The following RGS9 variants were observed in gnomAD, a reference collection of about 807,000 sequenced individuals.
RGS9 encodes regulator of G-protein signalling 9.
In RGS9, 78 loss-of-function variants were observed where a neutral mutation model predicts 102.0. That is an observed-to-expected ratio of 0.76 (90% CI 0.64 to 0.92). The LOEUF (loss-of-function observed/expected upper bound fraction) is 0.92, where lower values mean the gene tolerates loss of function less well. Ranked by LOEUF, RGS9 falls within the 40% of genes least tolerant of loss-of-function variation. The pLI is 0.00. For missense variants in RGS9, 833 were observed against 866.1 expected, an observed-to-expected ratio of 0.96 and a Z score of 0.48; for synonymous variants, 353 against 318.6, an observed-to-expected ratio of 1.11 and a Z score of -1.15.
chr17:65,187,445 G>T (rs950885882), intron 9 of RGS9, among the ~76,000 whole-genome samples: 1 of 152,174 alleles, frequency 6.6e-6, no homozygotes, highest in African/African-American at 2.4e-5. Context: ...GCAGGAAAAA[G>T]ATTTCTTGTG....
intron 1 of RGS9, among the ~76,000 whole-genome samples, chr17:65,142,358 G>A (rs2143948977): frequency 6.6e-6 from 1 of 152,314 alleles, no homozygotes. Context: ...TTAATGAGAA[G>A]CTGTTTGACG....
chr17:65,160,106 C>T (rs1457133342), intron 3 of RGS9, 127 bp from the exon 4 acceptor site: 2 of 795,930 alleles, frequency 2.5e-6, no homozygotes, highest in African/African-American at 1.7e-5. Context: ...AGTGTCCTCA[C>T]TGCTCATGAG....
At chr17:65,186,172 T>TTATG (rs1238728358) in intron 9 of RGS9, among the ~76,000 whole-genome samples, 252 of 143,234 alleles carry the variant, frequency 1.8e-3, no homozygotes, top group African/African-American at 6.6e-3. Context: ...TTTTATTTAT[T>TTATG]TATTTATTTA....
chr17:65,156,677 G>T (rs1910780494), intron 2 of RGS9, among the ~76,000 whole-genome samples: 1 of 152,190 alleles, frequency 6.6e-6, no homozygotes, highest in Admixed American at 6.5e-5. Context: ...TCTATTTCGG[G>T]AGGCAGTCAA....
chr17:65,165,525 C>T lies in RGS9; in HGVS notation c.500+2436C>T, dbSNP rs116456610. On this transcript the variant is annotated intron_variant, in intron 7 of 18. Transcript: ENST00000262406. ...GTCTTCCAAGTTCCACACTCAGCACCCAGACAGCTACTCAAGATCTCATGT... is the reference window on the plus strand; with the variant it reads ...GTCTTCCAAGTTCCACACTCAGCACTCAGACAGCTACTCAAGATCTCATGT... 7.9e-3 allele frequency among the ~76,000 whole-genome samples: 1,209 copies of T among 152,232 alleles called. 15 individuals are homozygous for T. The highest frequency in any genetic ancestry group is 0.027 in the African/African-American group (1,126 of 41,534).
In RGS9 at chr17:65,204,287, A is replaced by G. The variant is rs1912964271; in HGVS notation, c.1189A>G (p.Met397Val). The G allele has an allele frequency of 1.2e-6, 2 of 1,613,868 alleles. No homozygotes were observed. Among genetic ancestry groups the G allele is most frequent in the East Asian group, 2.2e-5 (1 of 44,874 alleles). ...VLDAAQTHIY[M>V]LMKKDSYARY... ...GGACGCCGCACAAACCCACATTTAC[A>G]TGCTCATGAAGAAGGTAGGTGGGTC... Residue 397 changes from methionine (M) to valine (V), a missense_variant, in exon 15 of 19, where the codon ATG (methionine) becomes GTG (valine). By Grantham distance (21) the Met-to-Val change is conservative (BLOSUM62 1). Around this residue, in one of 3 missense-constraint regions of RGS9, gnomAD observed 185 missense variants for 248.7 expected, o/e 0.74. Transcript: ENST00000262406.
chr17:65,174,806 T>C (rs1415946098), intron 8 of RGS9, among the ~76,000 whole-genome samples: 1 of 152,190 alleles, frequency 6.6e-6, no homozygotes, highest in East Asian at 1.9e-4. Flanking sequence ...TCTGCATGGC[T>C]GGGGAAGTCT....
At chr17:65,184,491 C>G (rs1912026778) in intron 9 of RGS9, among the ~76,000 whole-genome samples, 1 of 152,020 alleles carries the variant, frequency 6.6e-6, no homozygotes, top group African/African-American at 2.4e-5. Flanking sequence ...TGCCAGGGAC[C>G]TTATGTCTAT....
At chr17:65,212,560 A>C (rs1913344499) in intron 17 of RGS9, among the ~76,000 whole-genome samples, 1 of 152,178 alleles carries the variant, frequency 6.6e-6, no homozygotes, top group African/African-American at 2.4e-5. Context: ...AGGCCAGGTG[A>C]GTGAAGCCTG....
intron 17 of RGS9, among the ~76,000 whole-genome samples, chr17:65,215,475 TCTATCTTTCTTTCG>T (rs1913463603): frequency 7.9e-6 from 1 of 127,230 alleles, no homozygotes; most frequent in African/African-American, 3.4e-5. Context: ...TCTTTCTTTC[TCTATCTTTCTTTCG>T]TTCTTTCGTT....
At chr17:65,205,003 T>C (rs1447663274) in intron 15 of RGS9, among the ~76,000 whole-genome samples, 1 of 152,136 alleles carries the variant, frequency 6.6e-6, no homozygotes, top group Non-Finnish European at 1.5e-5. Flanking sequence ...CATAGAGGCG[T>C]AGTGTCTAGG....
chr17:65,146,475 C>T (rs1270440670), intron 1 of RGS9, among the ~76,000 whole-genome samples: 1 of 151,668 alleles, frequency 6.6e-6, no homozygotes, highest in Non-Finnish European at 1.5e-5. Flanking sequence ...GTAGTCCCAG[C>T]TACTTGGGAG....
At chr17:65,154,189 C>A (rs1340833540) in intron 2 of RGS9, among the ~76,000 whole-genome samples, 1 of 152,094 alleles carries the variant, frequency 6.6e-6, no homozygotes, top group African/African-American at 2.4e-5. Flanking sequence ...TGCCTGTAAT[C>A]CCAGCTACTC....
chr17:65,179,828 A>G (rs1036132679), intron 9 of RGS9, among the ~76,000 whole-genome samples: 1 of 152,122 alleles, frequency 6.6e-6, no homozygotes, highest in East Asian at 1.9e-4. Flanking sequence ...CTTGGCCTTC[A>G]GAGCCCACTT....
intron 17 of RGS9, among the ~76,000 whole-genome samples, chr17:65,224,445 A>G (rs150337673): frequency 1.1e-4 from 17 of 152,168 alleles, no homozygotes; most frequent in African/African-American, 4.1e-4. Context: ...CTGGGCCTAG[A>G]CCACCCCAAA....
At chr17:65,151,814 G>A (rs1260997830) in intron 1 of RGS9, among the ~76,000 whole-genome samples, 2 of 152,132 alleles carry the variant, frequency 1.3e-5, no homozygotes, top group Non-Finnish European at 1.5e-5. Context: ...CTCTTCCAGG[G>A]CTCTGAAAGT....
intron 14 of RGS9, 126 bp from the exon 15 acceptor site, chr17:65,204,037 T>A: frequency 8.7e-7 from 1 of 1,146,528 alleles, no homozygotes; most frequent in East Asian, 2.5e-5. Context: ...TAGTGTCTCC[T>A]AAAAAAACCA....
intron 17 of RGS9, among the ~76,000 whole-genome samples, chr17:65,216,284 A>C (rs1222803575): frequency 6.6e-6 from 1 of 152,200 alleles, no homozygotes; most frequent in Non-Finnish European, 1.5e-5. Flanking sequence ...TTAAGCATTA[A>C]ATTTTGCTCT....
At chr17:65,199,470 A>G (rs1912730056) in intron 13 of RGS9, among the ~76,000 whole-genome samples, 1 of 148,234 alleles carries the variant, frequency 6.7e-6, no homozygotes, top group African/African-American at 2.5e-5. Flanking sequence ...GTTTCAGCAT[A>G]TAACAGCGCT....
Sources: gnomAD v4.1 joint callset for allele counts (sites outside exome capture counted in the v4.1 genomes callset) on GRCh38, gnomAD v4.1.1 for gene constraint, gnomAD v4.1.1 regional missense constraint, MANE v1.5 for transcripts, NCBI Gene and HGNC (gene_info 2026-07-23, HGNC 2026-07-21) for gene names.